SPAG17: variants seen among roughly 807,000 people sequenced by gnomAD.
SPAG17 encodes sperm associated antigen 17.
In SPAG17, 169 loss-of-function variants were observed where a neutral mutation model predicts 273.6. The observed-to-expected ratio is 0.62, with a 90% CI of 0.55 to 0.70. The LOEUF (loss-of-function observed/expected upper bound fraction) is 0.70, where lower values mean the gene tolerates loss of function less well. SPAG17 is among the 30% of genes least tolerant of loss of function. SPAG17 has a pLI of 0.00. For synonymous variants in SPAG17, 825 were observed against 873.2 expected (o/e 0.94, Z 0.97); for missense variants, 2,557 against 2,627.8 (o/e 0.97, Z 0.59).
intron 32 of SPAG17, among the ~76,000 whole-genome samples, chr1:118,002,114 T>C (rs12755205): frequency 2.6e-5 from 4 of 152,216 alleles, no homozygotes; most frequent in Non-Finnish European, 5.9e-5. Context: ...TTGTTAAGTT[T>C]CCATATATTT....
intron 30 of SPAG17, among the ~76,000 whole-genome samples, chr1:118,010,060 G>C (rs982903026): frequency 6.6e-6 from 1 of 152,038 alleles, no homozygotes; most frequent in East Asian, 1.9e-4. Context: ...GTAGAGAGTA[G>C]AATGGTAGTT....
At chr1:118,148,634 G>A (rs976844260) in intron 3 of SPAG17, among the ~76,000 whole-genome samples, 3 of 152,182 alleles carry the variant, frequency 2.0e-5, no homozygotes, top group African/African-American at 7.2e-5. Flanking sequence ...TAGCTAGACA[G>A]AAAAGTTCTC....
chr1:118,131,880 C>T (rs1658072779), intron 3 of SPAG17, among the ~76,000 whole-genome samples: 1 of 152,148 alleles, frequency 6.6e-6, no homozygotes. Context: ...GAGATGGAGC[C>T]ATTCTTGGTT....
intron 20 of SPAG17, among the ~76,000 whole-genome samples, chr1:118,048,274 A>G (rs1650594238): frequency 6.6e-6 from 1 of 152,064 alleles, no homozygotes; most frequent in African/African-American, 2.4e-5. Context: ...CCCAGACTCC[A>G]GGCCCACCTC....
chr1:118,085,538 GCACA>G (rs372317004), intron 13 of SPAG17, among the ~76,000 whole-genome samples: 11 of 149,598 alleles, frequency 7.4e-5, no homozygotes, highest in Non-Finnish European at 1.0e-4. Flanking sequence ...GTGCGCGCGC[GCACA>G]CACACACACA....
rs1570653268 is a variant in SPAG17, at chr1:118,081,156, T to C, written c.2154A>G (p.Arg718=). The C allele has an allele frequency of 6.2e-7, 1 of 1,614,038 alleles. No individual in the cohort carries two copies. Among genetic ancestry groups the C allele is most frequent in the Non-Finnish European group, 8.5e-7 (1 of 1,179,972 alleles). ...TGATGCTCTCCTGCTCTAACAGCTG[T>C]CTATTATCAGGGACTGAGAGTTTGA... ...NNLKLSVPDN[R]QLLEQESIMK... is the part of the protein sequence containing the mutation. Residue 718 remains arginine (R), a synonymous_variant, in exon 15 of 49, where the codon AGA becomes AGG. Transcript: ENST00000336338.
chr1:117,984,712 A>G lies in SPAG17; in HGVS notation c.5740T>C (p.Ser1914Pro). The change falls in exon 41 of 49, where the codon TCT (serine) becomes CCT (proline). Residue 1914 changes from serine to proline, a missense_variant. By Grantham distance (74) the Ser-to-Pro change is moderately conservative. Transcript: ENST00000336338. ...GACTGATATAACTGGTTCAATTCAG[A>G]TTTAAAAAAGGGTGGTATTATGCGG... ...KNRIIPPFFK[S>P]ELNQLYQSQY... 1.2e-6 allele frequency: 2 copies of G among 1,609,336 alleles called. No homozygotes were observed. The highest frequency in any genetic ancestry group is 1.7e-6 in the Non-Finnish European group (2 of 1,176,250).
At chr1:118,152,317 T>C (rs1659432480) in intron 1 of SPAG17, among the ~76,000 whole-genome samples, 1 of 152,168 alleles carries the variant, frequency 6.6e-6, no homozygotes. Context: ...CTGATTCAAA[T>C]ATAGTAAAAT....
At chr1:118,152,246 A>G (rs987272156) in intron 1 of SPAG17, among the ~76,000 whole-genome samples, 3 of 152,186 alleles carry the variant, frequency 2.0e-5, no homozygotes, top group Admixed American at 2.0e-4. Context: ...TTCCCCATTC[A>G]TAAAATAAAG....
At chr1:117,988,340 T>A (rs1419623840) in intron 38 of SPAG17, 136 bp from the exon 39 acceptor site, 1 of 518,894 alleles carries the variant, frequency 1.9e-6, no homozygotes, top group East Asian at 3.2e-5. Flanking sequence ...AGGACTTACA[T>A]GACCAAGCTG....
intron 15 of SPAG17, among the ~76,000 whole-genome samples, chr1:118,077,931 T>C (rs1654239872): frequency 6.6e-6 from 1 of 152,192 alleles, no homozygotes; most frequent in African/African-American, 2.4e-5. Flanking sequence ...TCTGTTCAAA[T>C]CCTGACTTCC....
At chr1:118,090,330 C>T (rs1033886231) in intron 10 of SPAG17, among the ~76,000 whole-genome samples, 1 of 152,072 alleles carries the variant, frequency 6.6e-6, no homozygotes, top group Non-Finnish European at 1.5e-5. Context: ...TGCTAACTTG[C>T]AGAAAATGCC....
In SPAG17 at chr1:118,081,658, A is replaced by G. The variant is rs1449021098; in HGVS notation, c.1763-16T>C. Reference sequence around the variant, plus strand: ...CTCAAGACATCTGTAAGAAAGCAGAACCAGTGCTGCTGGAAATGTTCTTAT... The same window carrying G: ...CTCAAGACATCTGTAAGAAAGCAGAGCCAGTGCTGCTGGAAATGTTCTTAT... On this transcript the variant is annotated splice_polypyrimidine_tract_variant and intron_variant, in intron 13 of 48. Coordinates refer to ENST00000336338, the MANE Select transcript of SPAG17 (RefSeq NM_206996.4). 6.2e-7 allele frequency: 1 copy of G among 1,603,750 alleles called. No individual in the cohort carries two copies.
At chr1:118,127,573 G>A (rs1217507046) in intron 3 of SPAG17, among the ~76,000 whole-genome samples, 1 of 152,196 alleles carries the variant, frequency 6.6e-6, no homozygotes, top group Non-Finnish European at 1.5e-5. Context: ...GCCTCCAACA[G>A]TGGGGGTTAT....
intron 1 of SPAG17, among the ~76,000 whole-genome samples, chr1:118,182,039 T>C (rs1286492192): frequency 6.6e-6 from 1 of 152,086 alleles, no homozygotes; most frequent in Non-Finnish European, 1.5e-5. Context: ...TCCAACAGAT[T>C]TTAGCACACC....
chr1:118,047,066 A>C (rs1196458749), intron 20 of SPAG17, among the ~76,000 whole-genome samples: 1 of 152,232 alleles, frequency 6.6e-6, no homozygotes, highest in Non-Finnish European at 1.5e-5. Flanking sequence ...ACACACTAAA[A>C]ATATAGTTTT....
In SPAG17 at chr1:118,004,209, C is replaced by T. The variant is rs139664061; in HGVS notation, c.4776+1205G>A. ...AGCTTCGTCCCAGAGGGGCACCTGC[C>T]TATATGAGGTGTCTGTTGGCCCCTA... On this transcript the variant is annotated intron_variant, in intron 32 of 48. Coordinates refer to ENST00000336338, the MANE Select transcript of SPAG17 (RefSeq NM_206996.4). Among the ~76,000 whole-genome samples the T allele has an allele frequency of 2.7e-3, 414 of 152,262 alleles. 1 individual carries two copies. Among genetic ancestry groups the T allele is most frequent in the African/African-American group, 8.8e-3 (367 of 41,566 alleles).
chr1:117,975,004 G>T (rs867069156), intron 43 of SPAG17, among the ~76,000 whole-genome samples: 2 of 152,140 alleles, frequency 1.3e-5, no homozygotes, highest in African/African-American at 4.8e-5. Context: ...CCAACCATGA[G>T]GAGCAAAGCC....
chr1:118,086,929 A>G lies in SPAG17; in HGVS notation c.1439T>C (p.Ile480Thr). 1.2e-6 allele frequency: 2 copies of G among 1,612,388 alleles called. No homozygotes were observed. The highest frequency in any genetic ancestry group is 2.2e-5 in the South Asian group (2 of 90,874). Residue 480 changes from isoleucine (I) to threonine (T), a missense_variant, in exon 11 of 49, where the codon ATC becomes ACC. Ile to Thr is a moderately conservative substitution (Grantham distance 89). Transcript: ENST00000336338. ...CAGAAGGGACACAATGTGAGCTGCG[A>G]TTCTGTGGTCTAGCCCGTCTGCTCT... is the stretch of plus-strand genomic sequence containing the variant. ...SPRADGLDHR[I>T]AAHIVSLLPS... is the part of the protein sequence containing the mutation.
Sources: gnomAD v4.1 joint callset for allele counts (sites outside exome capture counted in the v4.1 genomes callset) on GRCh38, gnomAD v4.1.1 for gene constraint, MANE v1.5 for transcripts, NCBI Gene and HGNC (gene_info 2026-07-23, HGNC 2026-07-21) for gene names.